The following TAPT1 variants were observed in gnomAD, a reference collection of about 807,000 sequenced individuals.
TAPT1 encodes transmembrane anterior posterior transformation protein 1 homolog.
Under a neutral mutation model 65.6 loss-of-function variants are expected in TAPT1, and 28 were observed. The observed-to-expected ratio is 0.43, with a 90% CI of 0.32 to 0.59. TAPT1 has a LOEUF of 0.59. Among genes scored for constraint, TAPT1 ranks in the 20% least tolerant of loss-of-function variants. TAPT1 has a pLI of 0.09. For synonymous variants in TAPT1, 278 were observed against 245.2 expected (o/e 1.13, Z -1.25); for missense variants, 563 against 679.9 (o/e 0.83, Z 1.91).
chr4:16,166,568 T>C (rs1747634889), intron 13 of TAPT1, 65 bp downstream of exon 13: 2 of 1,581,376 alleles, frequency 1.3e-6, no homozygotes, highest in East Asian at 4.5e-5. Flanking sequence ...TGCTTAACAT[T>C]GATCAAACTG....
upstream of TAPT1, chr4:16,227,100 C>T (rs1184689882): frequency 1.3e-5 from 6 of 455,260 alleles, no homozygotes; most frequent in Non-Finnish European, 2.6e-5. Context: ...TTGCCTGTTA[C>T]ATTCCCTGGC....
chr4:16,213,099 C>A (rs908249406), intron 2 of TAPT1, among the ~76,000 whole-genome samples: 1 of 152,214 alleles, frequency 6.6e-6, no homozygotes, highest in African/African-American at 2.4e-5. Context: ...ATAGCTGAAG[C>A]TGAATTATTT....
chr4:16,168,107 A>C (rs919162633), intron 12 of TAPT1, among the ~76,000 whole-genome samples: 7 of 140,008 alleles, frequency 5.0e-5, no homozygotes, highest in Admixed American at 2.1e-4. Context: ...TAACCAGTGA[A>C]GAAGTTGGTT....
chr4:16,211,961 T>C (rs1422335091), intron 2 of TAPT1, among the ~76,000 whole-genome samples: 2 of 152,212 alleles, frequency 1.3e-5, no homozygotes, highest in Non-Finnish European at 2.9e-5. Context: ...TTAGTTTCTG[T>C]GAGAAATCTA....
intron 4 of TAPT1, among the ~76,000 whole-genome samples, chr4:16,189,370 T>C (rs1252380840): frequency 6.6e-6 from 1 of 152,174 alleles, no homozygotes; most frequent in Admixed American, 6.5e-5. Context: ...GAATATAAGC[T>C]CCATGAGAAT....
At chr4:16,226,749 G>A (rs1269085096), upstream of TAPT1, 1 of 151,020 alleles carries the variant, frequency 6.6e-6, no homozygotes, top group African/African-American at 2.4e-5. Context: ...CGGGCTCCAT[G>A]CAGCCGGGCT....
chr4:16,222,267 A>G (rs1360795924), intron 1 of TAPT1, among the ~76,000 whole-genome samples: 1 of 152,228 alleles, frequency 6.6e-6, no homozygotes, highest in Non-Finnish European at 1.5e-5. Context: ...CACTGAACTG[A>G]TCAAAAACCA....
In TAPT1 at chr4:16,226,426, C is replaced by G; in HGVS notation, c.32G>C (p.Gly11Ala). 9.3e-7 allele frequency: 1 copy of G among 1,080,862 alleles called. No individual in the cohort carries two copies. The highest frequency in any genetic ancestry group is 1.1e-6 in the Non-Finnish European group (1 of 892,964). 67.0% of individuals were successfully genotyped at this position (1,080,862 alleles called of 1,614,324 possible). ...GTCCACGCCGCCACCGCCGCCTTCT[C>G]CCGGAGCGGCCGCGTCGCCGACGCC... is the stretch of plus-strand genomic sequence containing the variant. The part of the protein sequence containing the change: MAGVGDAAAP[G>A]EGGGGGVDGP... The change falls in exon 1 of 14, where the codon GGA becomes GCA. Residue 11 changes from glycine (G) to alanine (A), a missense_variant. Coordinates refer to ENST00000405303, the MANE Select transcript of TAPT1 (RefSeq NM_153365.3).
chr4:16,174,975 C>T (rs191112209), intron 9 of TAPT1: 107 of 306,918 alleles, frequency 3.5e-4, no homozygotes, highest in African/African-American at 1.5e-3. Context: ...AATAAATATC[C>T]AACGACTATG....
At position 16,213,166 on chromosome 4, in the gene TAPT1, C is replaced by T. The variant is rs78599366; in HGVS notation, c.330+602G>A. 4.5e-3 allele frequency among the ~76,000 whole-genome samples: 686 copies of T among 152,318 alleles called. 15 individuals are homozygous for T. The East Asian group carries it at 0.068, about 15-fold the overall frequency. ...TGCTTAGACTCACCAACTCTAGCAT[C>T]GCCTAGGGGAGAAGGGGCTGCTTTC... On this transcript the variant is annotated intron_variant, in intron 2 of 13. Coordinates refer to ENST00000405303, the MANE Select transcript of TAPT1 (RefSeq NM_153365.3).
chr4:16,192,173 T>C (rs1411990448), intron 3 of TAPT1, among the ~76,000 whole-genome samples: 2 of 152,224 alleles, frequency 1.3e-5, no homozygotes, highest in East Asian at 3.9e-4. Context: ...GAAATTTTGA[T>C]AGAAACAGCT....
At chr4:16,169,205 T>G (rs1440008377) in intron 12 of TAPT1, among the ~76,000 whole-genome samples, 1 of 152,156 alleles carries the variant, frequency 6.6e-6, no homozygotes, top group East Asian at 1.9e-4. Context: ...TGAGGCGACA[T>G]GGGAGGCTGG....
At chr4:16,177,134 G>C (rs974123578) in intron 8 of TAPT1, among the ~76,000 whole-genome samples, 6 of 152,176 alleles carry the variant, frequency 3.9e-5, no homozygotes, top group Non-Finnish European at 8.8e-5. Flanking sequence ...AGGTAGAAGA[G>C]AAGAATTTGA....
At chr4:16,206,109 C>T (rs1392227271) in intron 2 of TAPT1, among the ~76,000 whole-genome samples, 1 of 152,186 alleles carries the variant, frequency 6.6e-6, no homozygotes, top group East Asian at 1.9e-4. Flanking sequence ...GTCATCCCTA[C>T]AATAAAATCA....
At chr4:16,205,377 A>G (rs1750278196) in intron 2 of TAPT1, among the ~76,000 whole-genome samples, 1 of 152,186 alleles carries the variant, frequency 6.6e-6, no homozygotes, top group African/African-American at 2.4e-5. Context: ...AAGTAGGAGT[A>G]AAGAGGCTTA....
At chr4:16,218,140 C>T (rs745403279) in intron 1 of TAPT1, among the ~76,000 whole-genome samples, 1 of 152,206 alleles carries the variant, frequency 6.6e-6, no homozygotes. Context: ...TAGTGGCTCA[C>T]GCCCGTAATC....
intron 2 of TAPT1, among the ~76,000 whole-genome samples, chr4:16,204,673 G>A (rs1344629613): frequency 1.3e-5 from 2 of 152,228 alleles, no homozygotes; most frequent in African/African-American, 4.8e-5. Context: ...CCAGGTGCTG[G>A]GCTTGGGCCC....
In TAPT1 at chr4:16,191,260, TA is replaced by T. The variant is rs1430315490; in HGVS notation, c.612+100del. On this transcript the variant is annotated intron_variant, in intron 4 of 13. Coordinates refer to ENST00000405303, the MANE Select transcript of TAPT1 (RefSeq NM_153365.3). ...CAGTAAAGGCCAGAAGCACCATAACTAGAGTCGGTAGAGCATTCTTGACTCT... is the reference window on the plus strand; with the variant it reads ...CAGTAAAGGCCAGAAGCACCATAACTGAGTCGGTAGAGCATTCTTGACTCT... The T allele has an allele frequency of 9.8e-6, 12 of 1,224,684 alleles. No individual in the cohort carries two copies. In the South Asian group the frequency reaches 2.0e-4, roughly 20 times the overall value. 75.9% of individuals were successfully genotyped at this position (1,224,684 alleles called of 1,614,324 possible). A position where few individuals can be genotyped will look rare whatever the true frequency, so the allele number is the denominator to read the frequency against.
At chr4:16,221,197 T>C (rs1034236394) in intron 1 of TAPT1, among the ~76,000 whole-genome samples, 2 of 152,146 alleles carry the variant, frequency 1.3e-5, no homozygotes, top group Admixed American at 6.5e-5. Context: ...CTCGTCTCAC[T>C]GCAACCTCCA....
Sources: gnomAD v4.1 joint callset for allele counts (sites outside exome capture counted in the v4.1 genomes callset) on GRCh38, gnomAD v4.1.1 for gene constraint, MANE v1.5 for transcripts, NCBI Gene and HGNC (gene_info 2026-07-23, HGNC 2026-07-21) for gene names.